Variants in PFKFB3 observed in about 807,000 individuals in gnomAD.
PFKFB3 encodes 6-phosphofructo-2-kinase/fructose-2,6-bisphosphatase 3.
PFKFB3 carries 33 observed loss-of-function variants against 68.0 expected under a neutral mutation model. That is an observed-to-expected ratio of 0.49 (90% CI 0.37 to 0.65). The LOEUF is 0.65. Among genes scored for constraint, PFKFB3 ranks in the 30% least tolerant of loss-of-function variants. The pLI is 0.00. For missense variants in PFKFB3, 586 were observed against 712.2 expected, an observed-to-expected ratio of 0.82 and a Z score of 2.02; for synonymous variants, 315 against 288.2, an observed-to-expected ratio of 1.09 and a Z score of -0.94.
chr10:6,202,598 C>T (rs1257255589), upstream of PFKFB3: 2 of 153,582 alleles, frequency 1.3e-5, no homozygotes, highest in African/African-American at 2.4e-5. Flanking sequence ...CGTCTCTGCT[C>T]TCCTCCCGGC....
In PFKFB3 at chr10:6,146,435, C is replaced by G. The variant is rs1041849388; in HGVS notation, c.16+1422C>G. 3 of 1,535,498 alleles carry G rather than the reference C, an allele frequency of 2.0e-6. No individual in the cohort carries two copies. In the African/African-American group the frequency reaches 4.1e-5, roughly 21 times the overall value. ...GCCAGCAAGCAGGGGCTCTGCCACT[C>G]CTCTGTCAGCTGGACACGTTTAGTC... On this transcript the variant is annotated intron_variant, in intron 1 of 14. Coordinates refer to the PFKFB3 transcript ENST00000379789.
At chr10:6,207,933 G>A (rs1448931492) in intron 1 of PFKFB3, among the ~76,000 whole-genome samples, 1 of 152,124 alleles carries the variant, frequency 6.6e-6, no homozygotes, top group African/African-American at 2.4e-5. Context: ...GGGATCCTGG[G>A]TACCGGGCTG....
At chr10:6,325,129 A>T in the PFKFB3 span, among the ~76,000 whole-genome samples, 1 of 151,978 alleles carries the variant, frequency 6.6e-6, no homozygotes, top group Admixed American at 6.6e-5. Context: ...ACAACTGCTA[A>T]TTTTTTGTAT....
intron 1 of PFKFB3, among the ~76,000 whole-genome samples, chr10:6,193,393 A>G (rs1420962245): frequency 1.3e-5 from 2 of 152,244 alleles, no homozygotes; most frequent in African/African-American, 2.4e-5. Context: ...AGTATTGTGT[A>G]TCCATTAGTT....
At chr10:6,273,555 A>T in the PFKFB3 span, among the ~76,000 whole-genome samples, 1 of 152,108 alleles carries the variant, frequency 6.6e-6, no homozygotes, top group Non-Finnish European at 1.5e-5. Context: ...AAGCATGGAG[A>T]TTGGACTGGA....
chr10:6,162,676 C>T (rs1268517520), intron 1 of PFKFB3, among the ~76,000 whole-genome samples: 3 of 152,196 alleles, frequency 2.0e-5, no homozygotes, highest in Non-Finnish European at 4.4e-5. Context: ...CTGACATACT[C>T]AATTGATGCT....
chr10:6,186,796 C>G (rs138171000), intron 1 of PFKFB3, among the ~76,000 whole-genome samples: 17 of 152,184 alleles, frequency 1.1e-4, no homozygotes, highest in African/African-American at 4.1e-4. Flanking sequence ...CTGCACCTAG[C>G]CTTTATTCGT....
intron 1 of PFKFB3, among the ~76,000 whole-genome samples, chr10:6,181,852 T>G (rs1588433642): frequency 6.8e-6 from 1 of 146,304 alleles, no homozygotes; most frequent in East Asian, 2.0e-4. Context: ...TCATATGCGA[T>G]CTCTAGAAGA....
chr10:6,203,070 C>A lies in PFKFB3; in HGVS notation c.-191C>A, dbSNP rs1015833038. On this transcript the variant is annotated 5_prime_UTR_variant, in exon 1 of 15. Coordinates refer to ENST00000379775, the MANE Select transcript of PFKFB3 (RefSeq NM_004566.4). ...CCAGCCTCGCTACCCTCGCAGCACA[C>A]GTCGAGCCCCGCACAGGCGAGGGTC... 2.1e-6 allele frequency: 3 copies of A among 1,406,776 alleles called. No homozygotes were observed. Among genetic ancestry groups the A allele is most frequent in the South Asian group, 1.6e-5 (1 of 64,460 alleles). The allele number at this position is 1,406,776 out of a possible 1,614,324, so 87.1% of individuals were successfully genotyped here.
intron 1 of PFKFB3, among the ~76,000 whole-genome samples, chr10:6,173,045 T>A (rs1016931540): frequency 6.6e-6 from 1 of 152,160 alleles, no homozygotes. Flanking sequence ...CCCTTCATGG[T>A]TTGGCCTGCA....
the PFKFB3 span, among the ~76,000 whole-genome samples, chr10:6,285,750 C>G: frequency 2.6e-5 from 4 of 152,092 alleles, no homozygotes; most frequent in Non-Finnish European, 1.5e-5. Context: ...ACCACCATTC[C>G]ACTGTTTGAT....
chr10:6,302,715 T>C, the PFKFB3 span, among the ~76,000 whole-genome samples: 6 of 151,630 alleles, frequency 4.0e-5, no homozygotes, highest in South Asian at 1.3e-3. Flanking sequence ...TCTTCCTTTC[T>C]GGTGGGAGCC....
intron 1 of PFKFB3, among the ~76,000 whole-genome samples, chr10:6,187,201 A>G (rs796518294): frequency 7.0e-6 from 1 of 143,630 alleles, no homozygotes; most frequent in Non-Finnish European, 1.5e-5. Flanking sequence ...TTTCTACTAA[A>G]AAAAAAAAAA....
the PFKFB3 span, among the ~76,000 whole-genome samples, chr10:6,324,887 C>T: frequency 6.6e-6 from 1 of 151,792 alleles, no homozygotes; most frequent in Non-Finnish European, 1.5e-5. Context: ...ACAACTTCTT[C>T]GAGTTTTGTT....
chr10:6,263,532 T>C, the PFKFB3 span, among the ~76,000 whole-genome samples: 1 of 152,182 alleles, frequency 6.6e-6, no homozygotes, highest in African/African-American at 2.4e-5. Context: ...TCTACTTCGC[T>C]CCTCCTGAAT....
downstream of PFKFB3, among the ~76,000 whole-genome samples, chr10:6,258,865 C>T (rs934218109): frequency 6.6e-6 from 1 of 152,202 alleles, no homozygotes; most frequent in African/African-American, 2.4e-5. Flanking sequence ...GGTCAGTAAA[C>T]AGCCAGGAAT....
chr10:6,172,767 A>T (rs1192373694), intron 1 of PFKFB3, among the ~76,000 whole-genome samples: 1 of 151,654 alleles, frequency 6.6e-6, no homozygotes, highest in Non-Finnish European at 1.5e-5. Flanking sequence ...GGCTGCAGTG[A>T]GCTGTGATTG....
At chr10:6,281,587 GTT>G in the PFKFB3 span, among the ~76,000 whole-genome samples, 2 of 151,856 alleles carry the variant, frequency 1.3e-5, no homozygotes, top group Admixed American at 1.3e-4. Context: ...ACATTCCACT[GTT>G]TTTCCCCCAC....
chr10:6,276,449 G>A, the PFKFB3 span, among the ~76,000 whole-genome samples: 1 of 151,638 alleles, frequency 6.6e-6, no homozygotes, highest in African/African-American at 2.4e-5. Flanking sequence ...AGAAATCTCT[G>A]TATGGGAGAC....
Sources: allele counts gnomAD v4.1 joint callset (sites outside exome capture counted in the v4.1 genomes callset), GRCh38; gene constraint gnomAD v4.1.1; transcripts MANE v1.5; gene names NCBI Gene and HGNC (gene_info 2026-07-23, HGNC 2026-07-21).